The following PNPLA4 variants were observed in gnomAD, a reference collection of about 807,000 sequenced individuals.
PNPLA4 encodes the protein patatin-like phospholipase domain-containing protein 4.
A neutral mutation model predicts 18.3 loss-of-function variants in PNPLA4; 15 were observed. That is an observed-to-expected ratio of 0.82 (90% CI 0.55 to 1.26). The LOEUF (loss-of-function observed/expected upper bound fraction) is 1.26. Ranked by LOEUF, PNPLA4 falls within the 50% of genes most tolerant of loss-of-function variation. PNPLA4 has a pLI of 0.00. For synonymous variants in PNPLA4, 88 were observed against 85.6 expected (o/e 1.03, Z -0.16); for missense variants, 229 against 196.8 (o/e 1.16, Z -0.98).
In PNPLA4 at chrX:7,898,333, C is replaced by T. The variant is rs1923403874; in HGVS notation, c.*2353G>A. 2 of 111,918 alleles carry T rather than the reference C, an allele frequency of 1.8e-5. No individual in the cohort carries two copies. Among genetic ancestry groups the T allele is most frequent in the Non-Finnish European group, 3.8e-5 (2 of 53,223 alleles). The allele number at this position is 111,918 out of a possible 1,213,427, so 9.2% of individuals were successfully genotyped here. On this transcript the variant is annotated 3_prime_UTR_variant, in exon 7 of 7. Transcript: ENST00000381042. ...ATTGGGAATTTATCAAGCTGCCAAT[C>T]ACAGTAATTACCCTGCAAACATATC...
At chrX:7,904,813 T>G (rs1238801344) in intron 5 of PNPLA4, among the ~76,000 whole-genome samples, 1 of 111,918 alleles carries the variant, frequency 8.9e-6, no homozygotes, top group Non-Finnish European at 1.9e-5. Flanking sequence ...TGAGCTTCTG[T>G]GACTCCAAAA....
In PNPLA4 at chrX:7,921,999, T is replaced by TATAC; in HGVS notation, c.275+1_275+4dup. ...GTACTTTTGGGCAAAATGTACTCTGTATACCTTAGTCGGGCCATGAAGTCA... is the reference window on the plus strand; with the variant it reads ...GTACTTTTGGGCAAAATGTACTCTGTATACATACCTTAGTCGGGCCATGAAGTCA... On this transcript the variant is annotated splice_donor_region_variant and intron_variant, in intron 3 of 6. Coordinates refer to ENST00000381042, the MANE Select transcript of PNPLA4 (RefSeq NM_004650.3). The TATAC allele has an allele frequency of 8.4e-7, 1 of 1,192,345 alleles. No individual in the cohort carries two copies. Among genetic ancestry groups the TATAC allele is most frequent in the Middle Eastern group, 2.3e-4 (1 of 4,304 alleles).
chrX:7,916,213 G>A (rs1370734114), intron 4 of PNPLA4, among the ~76,000 whole-genome samples: 6 of 112,048 alleles, frequency 5.4e-5, no homozygotes, highest in Non-Finnish European at 1.1e-4. Flanking sequence ...AGTTGCATAT[G>A]ACTTTCTTTT....
intron 5 of PNPLA4, among the ~76,000 whole-genome samples, chrX:7,907,776 G>A (rs1026724974): frequency 1.8e-5 from 2 of 108,235 alleles, no homozygotes; most frequent in Admixed American, 9.9e-5. Flanking sequence ...GCTGGAGTAC[G>A]GTGGTGTGAT....
rs1923497907 is a variant in PNPLA4, at chrX:7,900,603, T to C, written c.*83A>G. On this transcript the variant is annotated 3_prime_UTR_variant, in exon 7 of 7. Coordinates refer to ENST00000381042, the MANE Select transcript of PNPLA4 (RefSeq NM_004650.3). ...AAGGAGTAATACAATTGAGTCATGA[T>C]AGATTTTCTAAAAAGGATTTGATTA... is the stretch of plus-strand genomic sequence containing the variant. 3 of 655,212 alleles carry C rather than the reference T, an allele frequency of 4.6e-6. No homozygotes were observed. Among genetic ancestry groups the C allele is most frequent in the Non-Finnish European group, 6.8e-6 (3 of 443,454 alleles). The allele number at this position is 655,212 out of a possible 1,213,427, so 54.0% of individuals were successfully genotyped here.
At chrX:7,914,842 T>C (rs1217279596) in intron 4 of PNPLA4, among the ~76,000 whole-genome samples, 1 of 112,101 alleles carries the variant, frequency 8.9e-6, no homozygotes, top group Non-Finnish European at 1.9e-5. Flanking sequence ...ATCCAATTAC[T>C]TTCCTACAGA....
chrX:7,912,023 C>T lies in PNPLA4; in HGVS notation c.477+5G>A, dbSNP rs2146758496. ...AGGGTAATTCCTCAGTTATAACAAG[C>T]TTACCTGCCCTTTGTATTCCACTAG... On this transcript the variant is annotated splice_donor_5th_base_variant and intron_variant, in intron 5 of 6. Coordinates refer to ENST00000381042, the MANE Select transcript of PNPLA4 (RefSeq NM_004650.3). The T allele has an allele frequency of 1.7e-6, 2 of 1,183,261 alleles. No homozygotes were observed. Among genetic ancestry groups the T allele is most frequent in the East Asian group, 6.0e-5 (2 of 33,572 alleles).
chrX:7,907,655 C>T (rs1055409650), intron 5 of PNPLA4, among the ~76,000 whole-genome samples: 2 of 111,635 alleles, frequency 1.8e-5, no homozygotes, highest in Non-Finnish European at 3.8e-5. Flanking sequence ...TCAAAATAGT[C>T]ATAAGATGAA....
At chrX:7,915,856 G>A (rs1601648685) in intron 4 of PNPLA4, among the ~76,000 whole-genome samples, 1 of 111,986 alleles carries the variant, frequency 8.9e-6, no homozygotes, top group Non-Finnish European at 1.9e-5. Flanking sequence ...GTTTTTCCAA[G>A]ATAATGACCA....
At chrX:7,924,300 A>T (rs764575461) in intron 2 of PNPLA4, among the ~76,000 whole-genome samples, 2 of 112,050 alleles carry the variant, frequency 1.8e-5, no homozygotes, top group Non-Finnish European at 3.8e-5. Flanking sequence ...TATTTGTCAC[A>T]ACAGTAAAAA....
chrX:7,915,486 C>G (rs1341838921), intron 4 of PNPLA4, among the ~76,000 whole-genome samples: 1 of 111,700 alleles, frequency 9.0e-6, no homozygotes, highest in East Asian at 2.8e-4. Flanking sequence ...CAGGGGTATA[C>G]TTTTCACACC....
At chrX:7,903,550 C>T (rs1263699813) in intron 5 of PNPLA4, among the ~76,000 whole-genome samples, 2 of 111,301 alleles carry the variant, frequency 1.8e-5, no homozygotes, top group Middle Eastern at 9.2e-3. Flanking sequence ...CTGCCCGCCT[C>T]GGCCTCCCAA....
intron 6 of PNPLA4, among the ~76,000 whole-genome samples, chrX:7,901,153 G>A (rs1025620194): frequency 8.9e-6 from 1 of 112,174 alleles, no homozygotes; most frequent in East Asian, 2.8e-4. Context: ...ATCATCCCAT[G>A]TGGAAAACTA....
intron 4 of PNPLA4, among the ~76,000 whole-genome samples, chrX:7,917,463 T>C (rs1442713570): frequency 9.0e-6 from 1 of 111,574 alleles, no homozygotes; most frequent in Non-Finnish European, 1.9e-5. Flanking sequence ...GAAAAGAAAG[T>C]TGTGATTTAA....
In PNPLA4 at chrX:7,899,793, AC is replaced by A. The variant is rs1267702814; in HGVS notation, c.*892del. On this transcript the variant is annotated 3_prime_UTR_variant, in exon 7 of 7. Coordinates refer to ENST00000381042, the MANE Select transcript of PNPLA4 (RefSeq NM_004650.3). ...CTAGGCTTCTGGATATCTGCCCCTAACTGCACTGGGAGCAACTGCACACACC... is the reference window on the plus strand; with the variant it reads ...CTAGGCTTCTGGATATCTGCCCCTAATGCACTGGGAGCAACTGCACACACC... The A allele has an allele frequency of 1.8e-5, 2 of 110,536 alleles. No individual in the cohort carries two copies. The highest frequency in any genetic ancestry group is 1.9e-4 in the Admixed American group (2 of 10,386). The allele number at this position is 110,536 out of a possible 1,213,427, so 9.1% of individuals were successfully genotyped here.
At chrX:7,917,566 AT>A (rs1403923132) in intron 4 of PNPLA4, among the ~76,000 whole-genome samples, 1 of 112,160 alleles carries the variant, frequency 8.9e-6, no homozygotes, top group Non-Finnish European at 1.9e-5. Flanking sequence ...TTTATGAAAT[AT>A]TAGCTCCATT....
intron 4 of PNPLA4, 79 bp downstream of exon 4, chrX:7,921,634 G>A: frequency 1.2e-6 from 1 of 866,421 alleles, no homozygotes; most frequent in Non-Finnish European, 1.7e-6. Context: ...TAAAGAACGT[G>A]GTAATGCTCA....
intron 4 of PNPLA4, among the ~76,000 whole-genome samples, chrX:7,920,406 G>C (rs1924178717): frequency 1.8e-5 from 2 of 112,223 alleles, no homozygotes; most frequent in Admixed American, 9.4e-5. Context: ...TAAGATTATA[G>C]AATAATGTCT....
chrX:7,921,648 C>G, intron 4 of PNPLA4, 65 bp downstream of exon 4: 1 of 1,013,317 alleles, frequency 9.9e-7, no homozygotes, highest in Non-Finnish European at 1.4e-6. Context: ...ATGCTCATTA[C>G]TTTATATGAA....
Sources: allele counts gnomAD v4.1 joint callset (sites outside exome capture counted in the v4.1 genomes callset), GRCh38; gene constraint gnomAD v4.1.1; transcripts MANE v1.5; gene names NCBI Gene and HGNC (gene_info 2026-07-23, HGNC 2026-07-21).